GALNT5: variants seen among roughly 807,000 people sequenced by gnomAD.
The protein encoded by GALNT5 is polypeptide N-acetylgalactosaminyltransferase 5.
Under a neutral mutation model 85.4 loss-of-function variants are expected in GALNT5, and 72 were observed. That is an observed-to-expected ratio of 0.84 (90% CI 0.70 to 1.03). GALNT5 has a LOEUF of 1.03. GALNT5 is among the 50% of genes least tolerant of loss of function. The pLI is 0.00. For missense variants in GALNT5, 1,137 were observed against 1,135.5 expected (o/e 1.00, Z -0.02); for synonymous variants, 404 against 397.0 (o/e 1.02, Z -0.21).
chr2:157,281,818 T>C (rs887781458), intron 1 of GALNT5, among the ~76,000 whole-genome samples: 4 of 152,172 alleles, frequency 2.6e-5, no homozygotes, highest in African/African-American at 9.7e-5. Flanking sequence ...CCTATAGTCA[T>C]GTGAAAATTA....
At chr2:157,311,127 T>G in intron 9 of GALNT5, 81 bp from the exon 10 acceptor site, 1 of 1,120,536 alleles carries the variant, frequency 8.9e-7, no homozygotes, top group South Asian at 1.4e-5. Context: ...CCTGTCCATT[T>G]TTTTAATTGA....
intron 1 of GALNT5, among the ~76,000 whole-genome samples, chr2:157,270,363 C>T (rs970881720): frequency 2.0e-5 from 3 of 152,126 alleles, no homozygotes; most frequent in Admixed American, 2.0e-4. Context: ...GTGCTCACTG[C>T]CCCTCTGAAA....
At chr2:157,309,238 C>T (rs760331032) in intron 9 of GALNT5, among the ~76,000 whole-genome samples, 40 of 152,278 alleles carry the variant, frequency 2.6e-4, no homozygotes, top group Middle Eastern at 3.4e-3. Flanking sequence ...CTCACCAGCT[C>T]GCTGGAGCCA....
At chr2:157,309,991 G>T (rs1032667364) in intron 9 of GALNT5, among the ~76,000 whole-genome samples, 1 of 152,076 alleles carries the variant, frequency 6.6e-6, no homozygotes, top group African/African-American at 2.4e-5. Context: ...AGAAAGGGGG[G>T]GATGTGGTAA....
chr2:157,274,599 A>C (rs1378940941), intron 1 of GALNT5, among the ~76,000 whole-genome samples: 1 of 152,130 alleles, frequency 6.6e-6, no homozygotes, highest in Non-Finnish European at 1.5e-5. Context: ...GTATTTCTTC[A>C]TGTGTCTGTT....
At chr2:157,310,037 A>G (rs544098149) in intron 9 of GALNT5, among the ~76,000 whole-genome samples, 6 of 152,154 alleles carry the variant, frequency 3.9e-5, no homozygotes, top group Non-Finnish European at 8.8e-5. Context: ...GAGAATATGA[A>G]TAAGAACGAG....
chr2:157,277,449 G>A (rs1218116564), intron 1 of GALNT5, among the ~76,000 whole-genome samples: 1 of 152,182 alleles, frequency 6.6e-6, no homozygotes, highest in Non-Finnish European at 1.5e-5. Flanking sequence ...TATTGTGTGG[G>A]AGTCTAAGTC....
chr2:157,259,100 A>C lies in GALNT5; in HGVS notation c.1018A>C (p.Asn340His). 6.8e-7 allele frequency: 1 copy of C among 1,477,154 alleles called. No individual in the cohort carries two copies. Among genetic ancestry groups the C allele is most frequent in the Non-Finnish European group, 9.0e-7 (1 of 1,112,182 alleles). 91.5% of individuals were successfully genotyped at this position (1,477,154 alleles called of 1,614,324 possible). Residue 340 changes from asparagine (N) to histidine (H), a missense_variant, in exon 1 of 10, where the codon AAT (asparagine) becomes CAT (histidine). Transcript: ENST00000259056. ...AAAGGCAGACCCCAAAGAGGTCTCTAATTCTAAAACCAAAACAATATTTCC... is the reference window on the plus strand; with the variant it reads ...AAAGGCAGACCCCAAAGAGGTCTCTCATTCTAAAACCAAAACAATATTTCC... ...EQKADPKEVS[N>H]SKTKTIFPKV...
chr2:157,306,700 T>C (rs1198154062), intron 8 of GALNT5, among the ~76,000 whole-genome samples: 1 of 152,246 alleles, frequency 6.6e-6, no homozygotes, highest in East Asian at 1.9e-4. Context: ...TGTTAAGTCT[T>C]ACATCTTTGC....
chr2:157,305,766 G>C lies in GALNT5; in HGVS notation c.2457G>C (p.Leu819Phe). The C allele has an allele frequency of 6.2e-7, 1 of 1,602,904 alleles. No individual in the cohort carries two copies. The highest frequency in any genetic ancestry group is 8.5e-7 in the Non-Finnish European group (1 of 1,170,222). ...CTTTTTAGCTTATTAATGTGGCTTTGGGTAAATGCATTTCCATTGAAAACA... is the reference window on the plus strand; with the variant it reads ...CTTTTTAGCTTATTAATGTGGCTTTCGGTAAATGCATTTCCATTGAAAACA... ...RASGVLINVA[L>F]GKCISIENTT... is the part of the protein sequence containing the mutation. Residue 819 changes from leucine to phenylalanine, a missense_variant, in exon 8 of 10, where the codon TTG (leucine) becomes TTC (phenylalanine). Coordinates refer to ENST00000259056, the MANE Select transcript of GALNT5 (RefSeq NM_014568.3).
rs1302059241 is a variant in GALNT5 at position 157,314,113 on chromosome 2, GAGAC to G, written c.*2768_*2771del. Reference sequence around the variant, plus strand: ...TAATTCTAGTGATAAACCTTTGGATGAGACAGGTCCTAATCAGCACTGAATTCTT... The same window carrying G: ...TAATTCTAGTGATAAACCTTTGGATGAGGTCCTAATCAGCACTGAATTCTT... On this transcript the variant is annotated 3_prime_UTR_variant, in exon 10 of 10. Transcript: ENST00000259056. The G allele has an allele frequency of 6.6e-6, 1 of 151,718 alleles. No individual in the cohort carries two copies. The highest frequency in any genetic ancestry group is 1.5e-5 in the Non-Finnish European group (1 of 67,974). The allele number at this position is 151,718 out of a possible 1,614,324, so 9.4% of individuals were successfully genotyped here.
chr2:157,290,112 T>TATATATGTATATATATATATACACACAC (rs1416458086), intron 3 of GALNT5, among the ~76,000 whole-genome samples: 1 of 138,234 alleles, frequency 7.2e-6, no homozygotes, highest in Non-Finnish European at 1.5e-5. Context: ...TATATATATA[T>TATATATGTATATATATATATACACACAC]ACATACACAA....
At chr2:157,276,736 G>A (rs563682554) in intron 1 of GALNT5, among the ~76,000 whole-genome samples, 26 of 151,856 alleles carry the variant, frequency 1.7e-4, no homozygotes, top group Non-Finnish European at 3.2e-4. Flanking sequence ...TCTTGTTAGC[G>A]GTCTATCAAT....
intron 7 of GALNT5, among the ~76,000 whole-genome samples, chr2:157,305,023 A>G (rs191061775): frequency 1.3e-5 from 2 of 152,272 alleles, no homozygotes; most frequent in East Asian, 3.9e-4. Flanking sequence ...GAAATCTGAA[A>G]ACCCTAAGTT....
chr2:157,317,602 T>C lies in GALNT5; in HGVS notation c.*6254T>C, dbSNP rs1166186719. ...AACTAAAACTGTGGAGTATAAAGGA[T>C]GTTGGAATTAAACATTTTTAAGTAC... On this transcript the variant is annotated 3_prime_UTR_variant, in exon 10 of 10. Transcript: ENST00000259056. 9.2e-5 allele frequency among the ~76,000 whole-genome samples: 14 copies of C among 152,140 alleles called. No homozygotes were observed. Among genetic ancestry groups the C allele is most frequent in the Non-Finnish European group, 1.8e-4 (12 of 67,988 alleles).
chr2:157,296,472 T>C lies in GALNT5; in HGVS notation c.1956T>C (p.Asp652=), dbSNP rs749169356. 3 of 1,609,854 alleles carry C rather than the reference T, an allele frequency of 1.9e-6. No homozygotes were observed. Among genetic ancestry groups the C allele is most frequent in the South Asian group, 2.2e-5 (2 of 90,978 alleles). The change falls in exon 5 of 10, where the codon GAT becomes GAC. Residue 652 remains aspartate (D), a synonymous_variant. Transcript: ENST00000259056. ...TTGGTTGGAGAACAATTCCTCCAGA[T>C]GTCATTGCAAAAAACAGAATTAAAG... ...MNFGWRTIPP[D]VIAKNRIKET... is the part of the protein sequence containing the mutation.
chr2:157,306,216 GTAA>G (rs1220243597), intron 8 of GALNT5, among the ~76,000 whole-genome samples: 1 of 152,134 alleles, frequency 6.6e-6, no homozygotes, highest in Non-Finnish European at 1.5e-5. Context: ...AATGTTTGCT[GTAA>G]TAATAATAAA....
At chr2:157,298,631 C>G (rs1408109548) in intron 5 of GALNT5, among the ~76,000 whole-genome samples, 2 of 152,228 alleles carry the variant, frequency 1.3e-5, no homozygotes, top group Non-Finnish European at 2.9e-5. Flanking sequence ...AGCGCTTTCC[C>G]GCTTTAACGA....
At position 157,257,795 on chromosome 2, in the gene GALNT5, T is replaced by C; in HGVS notation, c.-288T>C. The C allele has an allele frequency of 2.5e-6, 1 of 403,288 alleles. No homozygotes were observed. The highest frequency in any genetic ancestry group is 4.5e-6 in the Non-Finnish European group (1 of 220,290). The allele number at this position is 403,288 out of a possible 1,614,324, so 25.0% of individuals were successfully genotyped here. A position where few individuals can be genotyped will look rare whatever the true frequency, so the allele number is the denominator to read the frequency against. ...GTGATATGTTGAACTGTTCGGTGGC[T>C]GGAATCAACTGCTCCTGGAGTGACC... On this transcript the variant is annotated 5_prime_UTR_variant, in exon 1 of 10. Coordinates refer to ENST00000259056, the MANE Select transcript of GALNT5 (RefSeq NM_014568.3).
Sources: allele counts gnomAD v4.1 joint callset (sites outside exome capture counted in the v4.1 genomes callset), GRCh38; gene constraint gnomAD v4.1.1; transcripts MANE v1.5; gene names NCBI Gene and HGNC (gene_info 2026-07-23, HGNC 2026-07-21).